Variants in NTNG2 observed in about 807,000 individuals in gnomAD.
The protein encoded by NTNG2 is netrin G2.
In NTNG2, 15 loss-of-function variants were observed where a neutral mutation model predicts 47.6. The ratio of observed to expected loss-of-function variants is 0.32; its 90% confidence interval spans 0.21 to 0.49. The LOEUF (loss-of-function observed/expected upper bound fraction) is 0.49. Ranked by LOEUF, NTNG2 falls within the 20% of genes least tolerant of loss-of-function variation. The pLI, the probability that NTNG2 is intolerant of heterozygous loss-of-function variation, is 0.99. For missense variants in NTNG2, 578 were observed against 764.6 expected (o/e 0.76, Z 2.88); for synonymous variants, 307 against 324.6 (o/e 0.95, Z 0.58).
intron 2 of NTNG2, among the ~76,000 whole-genome samples, chr9:132,169,149 G>A (rs1021665852): frequency 1.3e-5 from 2 of 152,252 alleles, no homozygotes; most frequent in African/African-American, 4.8e-5. Context: ...GCAGACAGGT[G>A]GGGAAGGCAG....
intron 2 of NTNG2, among the ~76,000 whole-genome samples, chr9:132,190,012 T>C (rs1169040864): frequency 1.4e-5 from 2 of 147,036 alleles, no homozygotes; most frequent in African/African-American, 4.9e-5. Flanking sequence ...GGCGGGCGGC[T>C]CATGAGGTCA....
intron 5 of NTNG2, chr9:132,233,236 T>G (rs1841365811): frequency 6.6e-6 from 1 of 152,276 alleles, no homozygotes; most frequent in South Asian, 2.1e-4. Flanking sequence ...AACAGGGGTT[T>G]GGCTGGGAGG....
At chr9:132,192,814 C>T (rs1160636146) in intron 2 of NTNG2, among the ~76,000 whole-genome samples, 6 of 152,088 alleles carry the variant, frequency 3.9e-5, no homozygotes, top group Admixed American at 3.3e-4. Flanking sequence ...TTGTGTTGGC[C>T]GCGGCTCGGG....
Position 132,242,687 on chromosome 9 carries a change from G to C in NTNG2, c.*576G>C. 1 of 150,198 alleles carries C rather than the reference G, an allele frequency of 6.7e-6. No individual in the cohort carries two copies. The highest frequency in any genetic ancestry group is 6.6e-5 in the Admixed American group (1 of 15,220). The allele number at this position is 150,198 out of a possible 1,614,324, so 9.3% of individuals were successfully genotyped here. On this transcript the variant is annotated 3_prime_UTR_variant, in exon 8 of 8. Transcript: ENST00000393229. This position sits in a 1 kb window ranked among gnomAD's most constrained non-coding sequence, Gnocchi z 5.9. The stretch of plus-strand genomic sequence containing the variant: ...CTGGGGGAGGAGGAGAGAAGGAAGG[G>C]GTGGGGGGCCTGGAAACTTCGTTCT...
At chr9:132,238,927 CCT>C (rs1432298155) in intron 5 of NTNG2, 175 bp from the exon 6 acceptor site, 24 of 687,682 alleles carry the variant, frequency 3.5e-5, no homozygotes, top group Non-Finnish European at 6.2e-5. Flanking sequence ...AGCAGGGAGG[CCT>C]CTCTCTTCCT....
At chr9:132,164,251 G>A (rs1012197569) in intron 1 of NTNG2, among the ~76,000 whole-genome samples, 1 of 152,210 alleles carries the variant, frequency 6.6e-6, no homozygotes, top group African/African-American at 2.4e-5. Flanking sequence ...GGAATGCGTG[G>A]CATTTAAACC....
intron 3 of NTNG2, among the ~76,000 whole-genome samples, chr9:132,206,465 A>G (rs1297583205): frequency 6.6e-6 from 1 of 152,206 alleles, no homozygotes; most frequent in Non-Finnish European, 1.5e-5. Context: ...TCAGGAGTTC[A>G]AGACCAGCCT....
chr9:132,216,412 CTCTGTGTGTGTGTGTATGTGTGTG>C lies in NTNG2; in HGVS notation c.858-10435_858-10412del, dbSNP rs1159003917. Among the ~76,000 whole-genome samples, 69 of 91,098 alleles carry C rather than the reference CTCTGTGTGTGTGTGTATGTGTGTG, an allele frequency of 7.6e-4. No homozygotes were observed. The East Asian group carries it at 0.018, about 23-fold the overall frequency. The allele number at this position is 91,098 out of a possible 152,430, so 59.8% of individuals were successfully genotyped here. A position where few individuals can be genotyped will look rare whatever the true frequency, so the allele number is the denominator to read the frequency against. On this transcript the variant is annotated intron_variant, in intron 3 of 7. Coordinates refer to ENST00000393229, the MANE Select transcript of NTNG2 (RefSeq NM_032536.4). ...TCTCTCTCTCTCTCTCTCTCTCTCT[CTCTGTGTGTGTGTGTATGTGTGTG>C]TGTGTGTGTGTGTGTGTGTGTGTGT...
intron 2 of NTNG2, among the ~76,000 whole-genome samples, chr9:132,185,012 TG>T (rs1268030242): frequency 6.8e-6 from 1 of 146,638 alleles, no homozygotes; most frequent in African/African-American, 2.5e-5. Context: ...GGGAAGGCGC[TG>T]GGGCTCTGAG....
intron 2 of NTNG2, among the ~76,000 whole-genome samples, chr9:132,168,285 CT>C (rs1835644158): frequency 6.6e-6 from 1 of 152,228 alleles, no homozygotes; most frequent in Admixed American, 6.5e-5. Context: ...GGCAGCCAGG[CT>C]GCAGAAGCTC....
intron 1 of NTNG2, 61 bp from the exon 2 acceptor site, chr9:132,166,288 A>T (rs1208329942): frequency 6.0e-6 from 1 of 165,882 alleles, no homozygotes; most frequent in Non-Finnish European, 1.3e-5. Context: ...AGTCCCAAAG[A>T]GGGAACATGT....
At chr9:132,237,607 G>A (rs185408043) in intron 5 of NTNG2, among the ~76,000 whole-genome samples, 1 of 152,338 alleles carries the variant, frequency 6.6e-6, no homozygotes. Flanking sequence ...GCAGGATAGA[G>A]GACCGATGCC....
chr9:132,191,789 GTCTCGA>G (rs1469679160), intron 2 of NTNG2, among the ~76,000 whole-genome samples: 1 of 152,090 alleles, frequency 6.6e-6, no homozygotes, highest in East Asian at 1.9e-4. Context: ...AGCCAGGATG[GTCTCGA>G]TCTCCTTACC....
chr9:132,205,651 C>T (rs1407915520), intron 3 of NTNG2, among the ~76,000 whole-genome samples: 1 of 152,034 alleles, frequency 6.6e-6, no homozygotes, highest in African/African-American at 2.4e-5. Context: ...GAGGCCGAGG[C>T]GGGCGGATCA....
chr9:132,171,798 T>C (rs1454244949), intron 2 of NTNG2, among the ~76,000 whole-genome samples: 1 of 152,174 alleles, frequency 6.6e-6, no homozygotes, highest in Admixed American at 6.5e-5. Context: ...GATCATGAAA[T>C]GTTTCCATCC....
chr9:132,197,471 G>A lies in NTNG2; in HGVS notation c.214-495G>A, dbSNP rs146416955. Among the ~76,000 whole-genome samples, 4 of 152,306 alleles carry A rather than the reference G, an allele frequency of 2.6e-5. No homozygotes were observed. The highest frequency in any genetic ancestry group is 7.2e-5 in the African/African-American group (3 of 41,572). On this transcript the variant is annotated intron_variant, in intron 2 of 7. Transcript: ENST00000393229. This position sits in a 1 kb window ranked among gnomAD's most constrained non-coding sequence, Gnocchi z 4.3. ...AGGAGATATTTAGAGAGTCGAGAAT[G>A]TGAATGGGAATTTTTGAGGCGGACA...
At position 132,184,695 on chromosome 9, in the gene NTNG2, G is replaced by A. The variant is rs550359610; in HGVS notation, c.214-13271G>A. On this transcript the variant is annotated intron_variant, in intron 2 of 7. Coordinates refer to ENST00000393229, the MANE Select transcript of NTNG2 (RefSeq NM_032536.4). ...TCCCAGCACTTTGGGAGGCCGAGGC[G>A]GGTGGATCACCTGAGGTCAGGAGTT... Among the ~76,000 whole-genome samples, 892 of 152,238 alleles carry A rather than the reference G, an allele frequency of 5.9e-3. 9 individuals carry two copies. The highest frequency in any genetic ancestry group is 0.021 in the African/African-American group (859 of 41,526).
intron 6 of NTNG2, 135 bp from the exon 7 acceptor site, chr9:132,240,775 C>A: frequency 2.2e-6 from 3 of 1,365,150 alleles, no homozygotes; most frequent in Non-Finnish European, 3.0e-6. Context: ...CAGCCGCGGG[C>A]TCACGTGGAC....
chr9:132,237,822 T>C (rs1277746653), intron 5 of NTNG2, among the ~76,000 whole-genome samples: 1 of 152,094 alleles, frequency 6.6e-6, no homozygotes, highest in Non-Finnish European at 1.5e-5. Context: ...GGGGCTCGTG[T>C]TGGTTGAAGC....
Sources: allele counts gnomAD v4.1 joint callset (sites outside exome capture counted in the v4.1 genomes callset), GRCh38; gene constraint gnomAD v4.1.1; non-coding constraint Gnocchi (gnomAD v3.1); transcripts MANE v1.5; gene names NCBI Gene and HGNC (gene_info 2026-07-23, HGNC 2026-07-21).